The following HNF4A variants were observed in gnomAD, a reference collection of about 807,000 sequenced individuals.
HNF4A encodes the protein hepatocyte nuclear factor 4-alpha.
In HNF4A, 15 loss-of-function variants were observed where a neutral mutation model predicts 52.4. That is an observed-to-expected ratio of 0.29 (90% CI 0.19 to 0.44). The LOEUF is 0.44. Ranked by LOEUF, HNF4A falls within the 20% of genes least tolerant of loss-of-function variation. The pLI is 1.00. For missense variants in HNF4A, 479 were observed against 647.2 expected, an observed-to-expected ratio of 0.74 and a Z score of 2.82; for synonymous variants, 280 against 264.4, an observed-to-expected ratio of 1.06 and a Z score of -0.57.
rs200615389 is a variant in HNF4A, at chr20:44,384,185, T to A, written c.50-21873T>A. Among the ~76,000 whole-genome samples the A allele has an allele frequency of 3.0e-3, 350 of 116,602 alleles. 1 individual carries two copies. In the East Asian group the frequency reaches 0.035, roughly 12 times the overall value. The allele number at this position is 116,602 out of a possible 152,430, so 76.5% of individuals were successfully genotyped here. On this transcript the variant is annotated intron_variant, in intron 1 of 9. Coordinates refer to the HNF4A transcript ENST00000316673. ...TTTTTTTTTTTTTTTTTTTTTTTTT[T>A]AAATAAAGACCAAAGGTCCAGAGGC...
chr20:44,405,492 T>G (rs1293521983), intron 1 of HNF4A, among the ~76,000 whole-genome samples: 1 of 151,966 alleles, frequency 6.6e-6, no homozygotes, highest in Non-Finnish European at 1.5e-5. Context: ...CCCTCACATT[T>G]GTGTAGATGC....
chr20:44,357,700 A>G (rs1454248524), intron 1 of HNF4A, among the ~76,000 whole-genome samples: 1 of 152,196 alleles, frequency 6.6e-6, no homozygotes, highest in Non-Finnish European at 1.5e-5. Context: ...ATCGACAGGT[A>G]GGTGGGTGAA....
At chr20:44,357,047 C>A (rs1468339812) in intron 1 of HNF4A, among the ~76,000 whole-genome samples, 1 of 152,146 alleles carries the variant, frequency 6.6e-6, no homozygotes, top group African/African-American at 2.4e-5. Flanking sequence ...ACACAATCAA[C>A]ATTTATGTCA....
intron 1 of HNF4A, among the ~76,000 whole-genome samples, chr20:44,381,771 C>T (rs550831483): frequency 4.6e-5 from 7 of 151,904 alleles, no homozygotes; most frequent in African/African-American, 7.2e-5. Context: ...CCACCACGCC[C>T]GGCTAATTTT....
In HNF4A at chr20:44,429,759, G is replaced by T; in HGVS notation, c.*94G>T. On this transcript the variant is annotated 3_prime_UTR_variant, in exon 10 of 10. Transcript: ENST00000316099. ...TGGTCACGGCAAAGGAAGACGTGAT[G>T]CCAGGACCAGTCCCAGAGCAGGAAT... The T allele has an allele frequency of 2.3e-6, 3 of 1,288,764 alleles. No individual in the cohort carries two copies. The highest frequency in any genetic ancestry group is 3.4e-6 in the Non-Finnish European group (3 of 894,564). 79.8% of individuals were successfully genotyped at this position (1,288,764 alleles called of 1,614,324 possible). A position where few individuals can be genotyped will look rare whatever the true frequency, so the allele number is the denominator to read the frequency against.
chr20:44,418,404 A>T lies in HNF4A; in HGVS notation c.649-21A>T. 2.5e-6 allele frequency: 4 copies of T among 1,607,304 alleles called. No individual in the cohort carries two copies. In the East Asian group the frequency reaches 8.9e-5, roughly 36 times the overall value. On this transcript the variant is annotated intron_variant, in intron 5 of 9. Transcript: ENST00000316099. Reference sequence around the variant, plus strand: ...CTTCCCAAGGGTACAGATGGCAAACACTGTTCCTTCTCTCTTTCAGGTGGC... The same window carrying T: ...CTTCCCAAGGGTACAGATGGCAAACTCTGTTCCTTCTCTCTTTCAGGTGGC...
At chr20:44,396,713 C>T (rs1456481670), upstream of HNF4A, among the ~76,000 whole-genome samples, 2 of 152,170 alleles carry the variant, frequency 1.3e-5, no homozygotes, top group Non-Finnish European at 2.9e-5. Context: ...ACAGTGATTG[C>T]TACTATTGTA....
At chr20:44,358,925 G>T (rs183692696) in intron 1 of HNF4A, among the ~76,000 whole-genome samples, 1 of 152,286 alleles carries the variant, frequency 6.6e-6, no homozygotes, top group African/African-American at 2.4e-5. Context: ...GTGTGGTGAT[G>T]CTGGGTGGAC....
chr20:44,421,632 T>C (rs2063745322), intron 7 of HNF4A, among the ~76,000 whole-genome samples: 1 of 151,842 alleles, frequency 6.6e-6, no homozygotes, highest in Non-Finnish European at 1.5e-5. Flanking sequence ...TCCGTGCCTG[T>C]AATCCCAGCT....
chr20:44,428,256 C>T (rs1365404203), intron 8 of HNF4A, 79 bp from the exon 9 acceptor site: 24 of 1,475,156 alleles, frequency 1.6e-5, no homozygotes, highest in Admixed American at 8.4e-5. Context: ...TGATTGGCCA[C>T]GCCTGAGGAA....
intron 8 of HNF4A, among the ~76,000 whole-genome samples, chr20:44,427,509 G>T (rs6031598): frequency 0.54 from 82,114 of 152,012 alleles, 22,751 homozygotes; most frequent in Middle Eastern, 0.72. Flanking sequence ...TGTAGAGATC[G>T]CTTGCAAGCG....
At chr20:44,423,638 C>A (rs2063777495) in intron 7 of HNF4A, among the ~76,000 whole-genome samples, 1 of 152,212 alleles carries the variant, frequency 6.6e-6, no homozygotes, top group South Asian at 2.1e-4. Flanking sequence ...CCCCAAGTTC[C>A]CATTGTGGCT....
intron 7 of HNF4A, among the ~76,000 whole-genome samples, chr20:44,420,205 G>T (rs41282028): frequency 1.3e-5 from 2 of 152,076 alleles, no homozygotes; most frequent in East Asian, 3.9e-4. Flanking sequence ...GGTGGTGCAC[G>T]CCTGTAATCC....
At chr20:44,429,258 C>T (rs1000750223) in intron 9 of HNF4A, among the ~76,000 whole-genome samples, 2 of 152,176 alleles carry the variant, frequency 1.3e-5, no homozygotes, top group African/African-American at 2.4e-5. Flanking sequence ...TCCAAGTCTG[C>T]ATATCAAATA....
chr20:44,402,600 A>ATCACTGGAGCAT (rs1380370996), intron 1 of HNF4A: 6 of 1,365,932 alleles, frequency 4.4e-6, no homozygotes, highest in Non-Finnish European at 5.9e-6. Context: ...CCCCTCCGAC[A>ATCACTGGAGCAT]TCACTGGAGC....
rs1033175778 is a variant in HNF4A, at chr20:44,431,401, C to G, written c.*1736C>G. Reference sequence around the variant, plus strand: ...ATTAAGGAGAATTCATGACTCTTGACAGCTTTTCTCTCTTCACTCCCCAAG... The same window carrying G: ...ATTAAGGAGAATTCATGACTCTTGAGAGCTTTTCTCTCTTCACTCCCCAAG... On this transcript the variant is annotated 3_prime_UTR_variant, in exon 10 of 10. Coordinates refer to ENST00000316099, the MANE Select transcript of HNF4A (RefSeq NM_000457.6). The G allele has an allele frequency of 6.6e-6, 1 of 152,314 alleles. No homozygotes were observed. The highest frequency in any genetic ancestry group is 1.5e-5 in the Non-Finnish European group (1 of 68,066). The allele number at this position is 152,314 out of a possible 1,614,324, so 9.4% of individuals were successfully genotyped here.
chr20:44,374,107 G>T (rs1339577100), intron 1 of HNF4A, among the ~76,000 whole-genome samples: 1 of 152,188 alleles, frequency 6.6e-6, no homozygotes, highest in Non-Finnish European at 1.5e-5. Flanking sequence ...AGTGAGCATA[G>T]TACCCAACAG....
In HNF4A at chr20:44,407,200, A is replaced by T. The variant is rs111565814; in HGVS notation, c.291-181A>T. On this transcript the variant is annotated intron_variant, in intron 2 of 9. Coordinates refer to ENST00000316099, the MANE Select transcript of HNF4A (RefSeq NM_000457.6). ...GTTTTCCCATGTTTAGCAGGACAGG[A>T]CTGGGCTCTTAGAGAGTTCATAGCA... Among the ~76,000 whole-genome samples the T allele has an allele frequency of 0.011, 1,719 of 152,242 alleles. 31 individuals are homozygous for T. Among genetic ancestry groups the T allele is most frequent in the African/African-American group, 0.039 (1,630 of 41,522 alleles).
chr20:44,361,779 C>G (rs939148102), intron 1 of HNF4A, among the ~76,000 whole-genome samples: 1 of 152,060 alleles, frequency 6.6e-6, no homozygotes, highest in African/African-American at 2.4e-5. Context: ...GACAGACAAG[C>G]CAGCAGCAAC....
Sources: gnomAD v4.1 joint callset for allele counts (sites outside exome capture counted in the v4.1 genomes callset) on GRCh38, gnomAD v4.1.1 for gene constraint, MANE v1.5 for transcripts, NCBI Gene and HGNC (gene_info 2026-07-23, HGNC 2026-07-21) for gene names.